Variants in MTSS1 observed in about 807,000 individuals in gnomAD.
MTSS1 encodes the protein MTSS I-BAR domain containing 1.
In MTSS1, 18 loss-of-function variants were observed where a neutral mutation model predicts 79.0. The observed-to-expected ratio is 0.23, with a 90% CI of 0.16 to 0.34. The LOEUF (loss-of-function observed/expected upper bound fraction) is 0.34. Among genes scored for constraint, MTSS1 ranks in the 10% least tolerant of loss-of-function variants. MTSS1 has a pLI of 1.00. For synonymous variants in MTSS1, 341 were observed against 368.6 expected, an observed-to-expected ratio of 0.93 and a Z score of 0.86; for missense variants, 815 against 986.2, an observed-to-expected ratio of 0.83 and a Z score of 2.33.
chr8:124,555,949 G>GT (rs397841396), intron 12 of MTSS1, 45 bp from the exon 13 acceptor site: 2 of 1,470,434 alleles, frequency 1.4e-6, no homozygotes, highest in South Asian at 1.2e-5. Context: ...TTAGGGGGGG[G>GT]GCTCAACAGC....
At position 124,641,447 on chromosome 8, in the gene MTSS1, C is replaced by T. The variant is rs562878764; in HGVS notation, c.209-50212G>A. ...TGAGCCTCAATTCCTTTGTTTGAAACGTACAGTTAAAACAAGATTCCTTGT... is the reference window on the plus strand; with the variant it reads ...TGAGCCTCAATTCCTTTGTTTGAAATGTACAGTTAAAACAAGATTCCTTGT... On this transcript the variant is annotated intron_variant, in intron 3 of 13. Coordinates refer to ENST00000518547, the MANE Select transcript of MTSS1 (RefSeq NM_014751.6). 5.9e-5 allele frequency among the ~76,000 whole-genome samples: 9 copies of T among 152,270 alleles called. No individual in the cohort carries two copies. The East Asian group carries it at 1.2e-3, about 20-fold the overall frequency.
chr8:124,555,400 C>T (rs1823408512), intron 13 of MTSS1, among the ~76,000 whole-genome samples: 2 of 152,152 alleles, frequency 1.3e-5, no homozygotes. Flanking sequence ...CGCCTGCCAC[C>T]ACGCCCGGCT....
At chr8:124,712,785 A>G (rs1055976385) in intron 1 of MTSS1, among the ~76,000 whole-genome samples, 9 of 151,900 alleles carry the variant, frequency 5.9e-5, no homozygotes, top group Non-Finnish European at 1.2e-4. Flanking sequence ...AAATATGCCT[A>G]TGAAAAGGAA....
chr8:124,566,924 G>C, intron 8 of MTSS1, 147 bp downstream of exon 8: 1 of 641,538 alleles, frequency 1.6e-6, no homozygotes, highest in Non-Finnish European at 2.7e-6. Flanking sequence ...GTAACAGCTC[G>C]CTGTGGTGAT....
chr8:124,555,616 G>A (rs983378071), intron 13 of MTSS1, 126 bp downstream of exon 13: 26 of 1,216,520 alleles, frequency 2.1e-5, no homozygotes, highest in African/African-American at 4.6e-5. Context: ...CCCAGATGAC[G>A]AAAACAATCC....
intron 3 of MTSS1, among the ~76,000 whole-genome samples, chr8:124,695,425 T>G (rs1828647259): frequency 6.6e-6 from 1 of 152,120 alleles, no homozygotes; most frequent in Non-Finnish European, 1.5e-5. Flanking sequence ...CCACAAACTC[T>G]GTTAGAGTCA....
chr8:124,587,876 TA>T (rs1831151768), intron 5 of MTSS1, among the ~76,000 whole-genome samples: 1 of 152,198 alleles, frequency 6.6e-6, no homozygotes, highest in Non-Finnish European at 1.5e-5. Flanking sequence ...TCAACACAAA[TA>T]AGCCATCACC....
chr8:124,675,941 G>A (rs144040057), intron 3 of MTSS1, among the ~76,000 whole-genome samples: 2,518 of 152,248 alleles, frequency 0.017, 30 homozygotes, highest in Non-Finnish European at 0.023. Flanking sequence ...ATAATGTTGC[G>A]GTAGACATTC....
chr8:124,558,905 A>T, intron 10 of MTSS1: 3 of 1,465,068 alleles, frequency 2.0e-6, no homozygotes, highest in Non-Finnish European at 2.7e-6. Context: ...ATAATAAATA[A>T]AAAAAGGAAT....
At chr8:124,696,010 C>T (rs1828757325) in intron 3 of MTSS1, among the ~76,000 whole-genome samples, 1 of 151,544 alleles carries the variant, frequency 6.6e-6, no homozygotes, top group Non-Finnish European at 1.5e-5. Context: ...TTTTTGGACA[C>T]AGAGTCTTGC....
intron 3 of MTSS1, among the ~76,000 whole-genome samples, chr8:124,617,181 C>A (rs968866835): frequency 3.3e-5 from 5 of 152,200 alleles, no homozygotes; most frequent in African/African-American, 1.2e-4. Flanking sequence ...TCCCAGAATA[C>A]CAGCGGCAAG....
intron 3 of MTSS1, among the ~76,000 whole-genome samples, chr8:124,660,110 C>A (rs547534937): frequency 1.3e-5 from 2 of 151,932 alleles, no homozygotes; most frequent in East Asian, 3.9e-4. Context: ...AGCCACACAG[C>A]TGTCCCGAGG....
At chr8:124,607,517 C>G (rs1835080758) in intron 3 of MTSS1, among the ~76,000 whole-genome samples, 1 of 152,150 alleles carries the variant, frequency 6.6e-6, no homozygotes, top group African/African-American at 2.4e-5. Flanking sequence ...GAATAGCAAA[C>G]AAGAGGCTGG....
At chr8:124,590,146 C>T (rs755208631) in intron 4 of MTSS1, among the ~76,000 whole-genome samples, 4 of 152,192 alleles carry the variant, frequency 2.6e-5, no homozygotes, top group Non-Finnish European at 4.4e-5. Flanking sequence ...AGAGCCACCG[C>T]GCCTGGCCCC....
intron 1 of MTSS1, among the ~76,000 whole-genome samples, chr8:124,707,901 T>G (rs1214875237): frequency 2.6e-5 from 4 of 151,978 alleles, no homozygotes; most frequent in African/African-American, 9.7e-5. Context: ...AAGGAAAAGG[T>G]GAGGCATGTT....
At chr8:124,579,590 C>T (rs1829648164) in intron 6 of MTSS1, 1 of 152,174 alleles carries the variant, frequency 6.6e-6, no homozygotes. Context: ...TTACTAGAAA[C>T]TGTGCAAGCT....
chr8:124,596,090 G>C (rs916062256), intron 3 of MTSS1, among the ~76,000 whole-genome samples: 1 of 152,350 alleles, frequency 6.6e-6, no homozygotes, highest in African/African-American at 2.4e-5. Context: ...GTGGACAGAA[G>C]AGAAAGGGCC....
At chr8:124,581,833 G>A (rs1258344361) in intron 6 of MTSS1, among the ~76,000 whole-genome samples, 1 of 152,200 alleles carries the variant, frequency 6.6e-6, no homozygotes, top group Non-Finnish European at 1.5e-5. Flanking sequence ...ACGGTTGGGT[G>A]GCACACGTAG....
chr8:124,716,810 G>A (rs1169825968), intron 1 of MTSS1, among the ~76,000 whole-genome samples: 1 of 152,060 alleles, frequency 6.6e-6, no homozygotes, highest in African/African-American at 2.4e-5. Flanking sequence ...TGTAATCCAC[G>A]GTGGTGAGCC....
Sources: gnomAD v4.1 joint callset for allele counts (sites outside exome capture counted in the v4.1 genomes callset) on GRCh38, gnomAD v4.1.1 for gene constraint, MANE v1.5 for transcripts, NCBI Gene and HGNC (gene_info 2026-07-23, HGNC 2026-07-21) for gene names.